Variants in FAM135B observed in about 807,000 individuals in gnomAD.
FAM135B encodes protein FAM135B.
In FAM135B, 43 loss-of-function variants were observed where a neutral mutation model predicts 127.7. That is an observed-to-expected ratio of 0.34 (90% CI 0.26 to 0.43). The LOEUF is 0.43. FAM135B is among the 20% of genes least tolerant of loss of function. FAM135B has a pLI of 1.00. For missense variants in FAM135B, 1,558 were observed against 1,725.6 expected (o/e 0.90, Z 1.72); for synonymous variants, 670 against 665.1 (o/e 1.01, Z -0.11).
chr8:138,152,917 T>G lies in FAM135B; in HGVS notation c.1558A>C (p.Thr520Pro), dbSNP rs774381719. 2 of 1,614,210 alleles carry G rather than the reference T, an allele frequency of 1.2e-6. No homozygotes were observed. The highest frequency in any genetic ancestry group is 4.5e-5 in the East Asian group (2 of 44,876). ...GTCCCAGCATCAGATGTTTGGCCAG[T>G]CCAACATTCATCTTCAGGCACACCT... ...KAGVPEDECW[T>P]GQTSDAGTYP... The change falls in exon 13 of 20, where the codon ACT becomes CCT. Residue 520 changes from threonine to proline, a missense_variant. Coordinates refer to ENST00000395297, the MANE Select transcript of FAM135B (RefSeq NM_015912.4).
intron 4 of FAM135B, among the ~76,000 whole-genome samples, chr8:138,264,127 T>C (rs547062340): frequency 6.6e-6 from 1 of 152,232 alleles, no homozygotes; most frequent in Admixed American, 6.5e-5. Context: ...CCAATGTCAT[T>C]CCCACCTCAG....
At chr8:138,460,701 C>G (rs982169249) in intron 1 of FAM135B, among the ~76,000 whole-genome samples, 3 of 127,826 alleles carry the variant, frequency 2.3e-5, no homozygotes, top group African/African-American at 7.5e-5. Context: ...TGGGAGGCTT[C>G]TGGAAGGATT....
At chr8:138,372,886 G>T (rs553322407) in intron 1 of FAM135B, among the ~76,000 whole-genome samples, 1 of 70,092 alleles carries the variant, frequency 1.4e-5, no homozygotes, top group Non-Finnish European at 2.7e-5. Context: ...ACCAGTCCAC[G>T]TTATGAAGCA....
At chr8:138,384,427 C>T (rs1235683145) in intron 1 of FAM135B, among the ~76,000 whole-genome samples, 1 of 151,710 alleles carries the variant, frequency 6.6e-6, no homozygotes, top group Non-Finnish European at 1.5e-5. Flanking sequence ...TATTATGTGC[C>T]CGGCTTCCAG....
At chr8:138,299,272 T>G (rs999961486) in intron 3 of FAM135B, among the ~76,000 whole-genome samples, 1 of 152,100 alleles carries the variant, frequency 6.6e-6, no homozygotes, top group Non-Finnish European at 1.5e-5. Context: ...ATTAGTTACC[T>G]CCTAATAATC....
intron 1 of FAM135B, among the ~76,000 whole-genome samples, chr8:138,458,635 C>G (rs1443903375): frequency 6.6e-6 from 1 of 152,126 alleles, no homozygotes; most frequent in African/African-American, 2.4e-5. Flanking sequence ...GTAAATAAAG[C>G]TTTATTGGAA....
intron 1 of FAM135B, among the ~76,000 whole-genome samples, chr8:138,396,085 G>T (rs746108439): frequency 6.6e-6 from 1 of 152,312 alleles, no homozygotes; most frequent in South Asian, 2.1e-4. Flanking sequence ...TGTAACGAAA[G>T]CACATCTTTT....
At chr8:138,346,202 G>A (rs933989501) in intron 2 of FAM135B, among the ~76,000 whole-genome samples, 3 of 152,204 alleles carry the variant, frequency 2.0e-5, no homozygotes, top group Non-Finnish European at 4.4e-5. Flanking sequence ...CACTGTTGGT[G>A]GGAATGTACA....
intron 12 of FAM135B, among the ~76,000 whole-genome samples, chr8:138,153,439 G>C (rs1003022022): frequency 1.3e-5 from 2 of 152,156 alleles, no homozygotes; most frequent in Non-Finnish European, 2.9e-5. Context: ...ATTGGGACTT[G>C]TTGGACAGTG....
chr8:138,307,758 A>C (rs538638584), intron 3 of FAM135B, among the ~76,000 whole-genome samples: 2 of 151,198 alleles, frequency 1.3e-5, no homozygotes, highest in South Asian at 4.2e-4. Context: ...AAAAAGAGAG[A>C]TACATGGAAC....
chr8:138,145,810 C>T, intron 15 of FAM135B, 149 bp downstream of exon 15: 1 of 542,542 alleles, frequency 1.8e-6, no homozygotes, highest in East Asian at 2.9e-5. Flanking sequence ...ACAGTCTCTT[C>T]TTTCCAACCC....
At chr8:138,434,064 ACT>A (rs1201643134) in intron 1 of FAM135B, among the ~76,000 whole-genome samples, 2 of 152,204 alleles carry the variant, frequency 1.3e-5, no homozygotes, top group Non-Finnish European at 2.9e-5. Context: ...TCTTGCTCTA[ACT>A]CTGGGCACAC....
intron 1 of FAM135B, among the ~76,000 whole-genome samples, chr8:138,477,901 A>G (rs1814584803): frequency 6.6e-6 from 1 of 152,208 alleles, no homozygotes; most frequent in Non-Finnish European, 1.5e-5. Flanking sequence ...TAGAGCAGAG[A>G]TCTCATGGTC....
At chr8:138,471,578 A>G (rs1406410314) in intron 1 of FAM135B, among the ~76,000 whole-genome samples, 1 of 152,196 alleles carries the variant, frequency 6.6e-6, no homozygotes, top group East Asian at 1.9e-4. Context: ...TCAAAGAAGG[A>G]CAGATTGTAG....
chr8:138,493,592 T>G (rs1363903469), intron 1 of FAM135B, among the ~76,000 whole-genome samples: 1 of 152,172 alleles, frequency 6.6e-6, no homozygotes, highest in East Asian at 1.9e-4. Flanking sequence ...GGCAGATGGC[T>G]GGGGGAGCAA....
chr8:138,179,318 T>A (rs1429298371), intron 9 of FAM135B, among the ~76,000 whole-genome samples: 1 of 152,198 alleles, frequency 6.6e-6, no homozygotes, highest in Non-Finnish European at 1.5e-5. Context: ...CTGGACGCAG[T>A]ACTTCACAGC....
intron 4 of FAM135B, among the ~76,000 whole-genome samples, chr8:138,258,675 A>G (rs1048458591): frequency 6.6e-6 from 1 of 152,200 alleles, no homozygotes; most frequent in South Asian, 2.1e-4. Flanking sequence ...GAGCTGGGCT[A>G]TGACTTTACA....
At chr8:138,280,365 C>CT (rs1375190098) in intron 3 of FAM135B, among the ~76,000 whole-genome samples, 1 of 151,668 alleles carries the variant, frequency 6.6e-6, no homozygotes, top group Non-Finnish European at 1.5e-5. Flanking sequence ...ACCAGATGGC[C>CT]TGTTCTCCTG....
intron 1 of FAM135B, among the ~76,000 whole-genome samples, chr8:138,452,211 C>A (rs574510147): frequency 6.8e-6 from 1 of 147,154 alleles, no homozygotes; most frequent in South Asian, 2.2e-4. Context: ...CTCACTGCAA[C>A]CTCCACCTCC....
Sources: gnomAD v4.1 joint callset for allele counts (sites outside exome capture counted in the v4.1 genomes callset) on GRCh38, gnomAD v4.1.1 for gene constraint, MANE v1.5 for transcripts, NCBI Gene and HGNC (gene_info 2026-07-23, HGNC 2026-07-21) for gene names.